Variants in CRYBG1 observed in about 807,000 individuals in gnomAD.
The protein encoded by CRYBG1 is beta/gamma crystallin domain-containing protein 1.
Under a neutral mutation model 189.2 loss-of-function variants are expected in CRYBG1, and 139 were observed. The observed-to-expected ratio is 0.73, with a 90% CI of 0.64 to 0.85. The LOEUF is 0.85. Ranked by LOEUF, CRYBG1 falls within the 40% of genes least tolerant of loss-of-function variation. The pLI is 0.00. For synonymous variants in CRYBG1, 1,023 were observed against 1,017.1 expected (o/e 1.01, Z -0.11); for missense variants, 2,611 against 2,675.8 (o/e 0.98, Z 0.53).
intron 1 of CRYBG1, among the ~76,000 whole-genome samples, chr6:106,388,307 C>A (rs1562293420): frequency 6.6e-6 from 1 of 152,116 alleles, no homozygotes; most frequent in Non-Finnish European, 1.5e-5. Context: ...CCTGAACTAT[C>A]CTGGGGCTAA....
rs1774944465 is a variant in CRYBG1, at chr6:106,568,084, ACCATCTCACCACCAAAT to A, written c.6302-387_6302-371del. 3.2e-4 allele frequency among the ~76,000 whole-genome samples: 34 copies of A among 107,676 alleles called. No homozygotes were observed. The South Asian group carries it at 8.9e-3, about 28-fold the overall frequency. The allele number at this position is 107,676 out of a possible 152,430, so 70.6% of individuals were successfully genotyped here. On this transcript the variant is annotated intron_variant, in intron 21 of 21. Coordinates refer to ENST00000633556, the MANE Select transcript of CRYBG1 (RefSeq NM_001371242.2). ...CTTTCCTCGCTGGTGTCTCGAATCT[ACCATCTCACCACCAAAT>A]ATATGTTAGTCTCTTTACTCCTTTT...
intron 1 of CRYBG1, among the ~76,000 whole-genome samples, chr6:106,407,003 G>T (rs1396246498): frequency 6.6e-6 from 1 of 152,144 alleles, no homozygotes; most frequent in South Asian, 2.1e-4. Context: ...AGCTAGCATT[G>T]TAATGACAGG....
chr6:106,480,430 C>A (rs1338284941), intron 2 of CRYBG1, among the ~76,000 whole-genome samples: 1 of 150,378 alleles, frequency 6.6e-6, no homozygotes, highest in South Asian at 2.1e-4. Context: ...TTTGGGAGGC[C>A]GAGGCAGGCA....
At chr6:106,506,040 G>GTC (rs1773125645) in intron 2 of CRYBG1, among the ~76,000 whole-genome samples, 1 of 152,190 alleles carries the variant, frequency 6.6e-6, no homozygotes, top group Non-Finnish European at 1.5e-5. Flanking sequence ...TTTGGGCTGA[G>GTC]AGGCTGCAGT....
chr6:106,423,312 C>T (rs1582754064), intron 1 of CRYBG1, among the ~76,000 whole-genome samples: 1 of 116,688 alleles, frequency 8.6e-6, no homozygotes, highest in Admixed American at 1.1e-4. Flanking sequence ...ATACATTTTG[C>T]TAAGTTACCT....
chr6:106,548,300 C>T (rs1194704215), intron 13 of CRYBG1, among the ~76,000 whole-genome samples: 2 of 152,176 alleles, frequency 1.3e-5, no homozygotes, highest in African/African-American at 4.8e-5. Flanking sequence ...CCCCCACTCC[C>T]CCCATTCATG....
intron 1 of CRYBG1, among the ~76,000 whole-genome samples, chr6:106,432,509 T>TA (rs1479258579): frequency 9.3e-6 from 1 of 107,200 alleles, no homozygotes; most frequent in Admixed American, 1.0e-4. Context: ...ACCCAGTACC[T>TA]ACCCCCCAGG....
chr6:106,419,932 A>G (rs1163122338), intron 1 of CRYBG1, among the ~76,000 whole-genome samples: 1 of 152,206 alleles, frequency 6.6e-6, no homozygotes, highest in Non-Finnish European at 1.5e-5. Context: ...TTGTGTATCT[A>G]TAAAGTCACT....
At chr6:106,434,139 T>C (rs1480750298) in intron 1 of CRYBG1, among the ~76,000 whole-genome samples, 3 of 122,690 alleles carry the variant, frequency 2.4e-5, no homozygotes, top group African/African-American at 1.1e-4. Flanking sequence ...GAGCAAATGA[T>C]ATATCAGAGA....
chr6:106,501,054 T>C (rs1279413344), intron 2 of CRYBG1, among the ~76,000 whole-genome samples: 1 of 152,208 alleles, frequency 6.6e-6, no homozygotes, highest in Non-Finnish European at 1.5e-5. Flanking sequence ...TAAGTGCCTA[T>C]TGGTACCAAG....
In CRYBG1 at chr6:106,433,743, ATGTATATATATATGTG is replaced by A. The variant is rs1215342899; in HGVS notation, c.174-17949_174-17934del. ...AATATATATATATATATACATATAT[ATGTATATATATATGTG>A]TATATATATATATGTATATATATAT... On this transcript the variant is annotated intron_variant, in intron 1 of 21. Transcript: ENST00000633556. 1.6e-3 allele frequency among the ~76,000 whole-genome samples: 71 copies of A among 45,540 alleles called. 4 individuals are homozygous for A. The highest frequency in any genetic ancestry group is 6.5e-3 in the African/African-American group (68 of 10,430). The allele number at this position is 45,540 out of a possible 152,430, so 29.9% of individuals were successfully genotyped here.
chr6:106,422,344 A>ATTTATTTATTTATTTATTTT (rs57640822), intron 1 of CRYBG1, among the ~76,000 whole-genome samples: 2,440 of 139,888 alleles, frequency 0.017, 39 homozygotes, highest in South Asian at 0.025. Flanking sequence ...TTATTTATTT[A>ATTTATTTATTTATTTATTTT]TTTTTGAGAC....
intron 2 of CRYBG1, among the ~76,000 whole-genome samples, 165 bp downstream of exon 2, chr6:106,451,997 C>T (rs1329966757): frequency 6.8e-6 from 1 of 147,322 alleles, no homozygotes; most frequent in East Asian, 1.9e-4. Flanking sequence ...AATATGTATT[C>T]TGTAATTTTC....
At chr6:106,491,658 T>C (rs1484483590) in intron 2 of CRYBG1, among the ~76,000 whole-genome samples, 1 of 152,038 alleles carries the variant, frequency 6.6e-6, no homozygotes, top group African/African-American at 2.4e-5. Flanking sequence ...CTCCCTCCAT[T>C]TCCATATGTG....
intron 2 of CRYBG1, among the ~76,000 whole-genome samples, chr6:106,480,517 T>A (rs984405499): frequency 4.1e-5 from 6 of 147,426 alleles, no homozygotes; most frequent in Admixed American, 1.4e-4. Context: ...AAAAAAAAAA[T>A]TTAGCCAGGC....
At chr6:106,383,020 T>C (rs376324979) in intron 1 of CRYBG1, among the ~76,000 whole-genome samples, 7 of 152,304 alleles carry the variant, frequency 4.6e-5, no homozygotes, top group African/African-American at 1.7e-4. Context: ...TGTCTCTATA[T>C]CCACAAAAGG....
intron 21 of CRYBG1, among the ~76,000 whole-genome samples, chr6:106,565,355 G>A (rs559793784): frequency 1.1e-4 from 16 of 151,874 alleles, no homozygotes; most frequent in Non-Finnish European, 2.1e-4. Flanking sequence ...AGAAAGTGCT[G>A]TAATCTGATT....
In CRYBG1 at chr6:106,524,062, T is replaced by C. The variant is rs149785893; in HGVS notation, c.4246-1071T>C. 1.3e-4 allele frequency among the ~76,000 whole-genome samples: 20 copies of C among 152,242 alleles called. No individual in the cohort carries two copies. In the East Asian group the frequency reaches 3.7e-3, roughly 28 times the overall value. On this transcript the variant is annotated intron_variant, in intron 4 of 21. Coordinates refer to ENST00000633556, the MANE Select transcript of CRYBG1 (RefSeq NM_001371242.2). The stretch of plus-strand genomic sequence containing the variant: ...GTGGTCTTCTGGGCATATCACACTC[T>C]GGTGTGATGCAAGAGCAGTCAGAGC...
At chr6:106,506,415 T>G (rs1773133458) in intron 2 of CRYBG1, among the ~76,000 whole-genome samples, 1 of 151,330 alleles carries the variant, frequency 6.6e-6, no homozygotes, top group Non-Finnish European at 1.5e-5. Flanking sequence ...GAAACATCAC[T>G]TTACTCAAAA....
Sources: gnomAD v4.1 joint callset for allele counts (sites outside exome capture counted in the v4.1 genomes callset) on GRCh38, gnomAD v4.1.1 for gene constraint, MANE v1.5 for transcripts, NCBI Gene and HGNC (gene_info 2026-07-23, HGNC 2026-07-21) for gene names.